ADAMTSL3: variants seen among roughly 807,000 people sequenced by gnomAD.
The protein encoded by ADAMTSL3 is ADAMTS-like protein 3.
In ADAMTSL3, 128 loss-of-function variants were observed where a neutral mutation model predicts 201.7. The observed-to-expected ratio is 0.63, with a 90% CI of 0.55 to 0.73. The LOEUF is 0.73. Ranked by LOEUF, ADAMTSL3 falls within the 30% of genes least tolerant of loss-of-function variation. The pLI is 0.00. For missense variants in ADAMTSL3, 1,990 were observed against 2,119.6 expected (o/e 0.94, Z 1.20); for synonymous variants, 738 against 748.4 (o/e 0.99, Z 0.23).
chr15:83,762,570 A>G (rs923886498), intron 3 of ADAMTSL3, among the ~76,000 whole-genome samples: 3 of 152,054 alleles, frequency 2.0e-5, no homozygotes, highest in African/African-American at 7.2e-5. Flanking sequence ...CACGAACGCT[A>G]TGTCCTCACG....
At chr15:83,850,504 A>C (rs1371748306) in intron 7 of ADAMTSL3, among the ~76,000 whole-genome samples, 1 of 147,966 alleles carries the variant, frequency 6.8e-6, no homozygotes, top group African/African-American at 2.4e-5. Flanking sequence ...TATATATAAA[A>C]ATATTTTTAA....
chr15:83,728,063 A>G (rs1467449199), intron 3 of ADAMTSL3, among the ~76,000 whole-genome samples: 3 of 152,042 alleles, frequency 2.0e-5, no homozygotes, highest in African/African-American at 4.8e-5. Flanking sequence ...GGGTGCATAC[A>G]TATTTATAAT....
intron 29 of ADAMTSL3, 87 bp downstream of exon 29, chr15:84,037,074 C>A: frequency 2.2e-6 from 3 of 1,353,420 alleles, no homozygotes; most frequent in Non-Finnish European, 3.1e-6. Flanking sequence ...CCAAACCCTG[C>A]TAGTGATTAC....
intron 25 of ADAMTSL3, among the ~76,000 whole-genome samples, chr15:84,019,665 G>A (rs572339114): frequency 3.3e-5 from 5 of 152,048 alleles, no homozygotes; most frequent in South Asian, 2.1e-4. Flanking sequence ...AGGCAGAAGC[G>A]GGTGGACCAC....
At chr15:83,733,601 C>T (rs1406312028) in intron 3 of ADAMTSL3, among the ~76,000 whole-genome samples, 1 of 152,150 alleles carries the variant, frequency 6.6e-6, no homozygotes, top group African/African-American at 2.4e-5. Flanking sequence ...ACAACTCGCT[C>T]TGTAATATGC....
chr15:83,998,274 C>T (rs1329928563), intron 23 of ADAMTSL3, among the ~76,000 whole-genome samples: 1 of 152,094 alleles, frequency 6.6e-6, no homozygotes, highest in Non-Finnish European at 1.5e-5. Context: ...CATGGTAAAA[C>T]CGTGTCTCCA....
chr15:83,891,922 A>C (rs912746337), intron 12 of ADAMTSL3, among the ~76,000 whole-genome samples: 10 of 152,244 alleles, frequency 6.6e-5, no homozygotes, highest in Non-Finnish European at 1.0e-4. Context: ...GGCAGTTAAG[A>C]ATAAAGTCTT....
chr15:84,018,728 C>G (rs2068136665), intron 25 of ADAMTSL3, among the ~76,000 whole-genome samples: 1 of 151,948 alleles, frequency 6.6e-6, no homozygotes, highest in Non-Finnish European at 1.5e-5. Flanking sequence ...TGGCTGAGGA[C>G]CAAATCATTC....
intron 23 of ADAMTSL3, among the ~76,000 whole-genome samples, chr15:84,002,325 G>C (rs2141862790): frequency 6.6e-6 from 1 of 152,270 alleles, no homozygotes; most frequent in East Asian, 1.9e-4. Flanking sequence ...AAGCATTCAA[G>C]TACAGCCTTG....
chr15:83,972,641 A>G (rs1162967447), intron 20 of ADAMTSL3, among the ~76,000 whole-genome samples: 1 of 152,158 alleles, frequency 6.6e-6, no homozygotes, highest in Non-Finnish European at 1.5e-5. Flanking sequence ...GGAGAAAGAA[A>G]AAACACAAGA....
chr15:83,759,111 T>C (rs1188530811), intron 3 of ADAMTSL3, among the ~76,000 whole-genome samples: 2 of 152,198 alleles, frequency 1.3e-5, no homozygotes, highest in Non-Finnish European at 2.9e-5. Flanking sequence ...CATCTTTCCT[T>C]TTTTTGTTTT....
intron 3 of ADAMTSL3, among the ~76,000 whole-genome samples, chr15:83,743,519 C>CAAAA (rs759218799): frequency 1.8e-5 from 1 of 57,082 alleles, no homozygotes; most frequent in African/African-American, 6.1e-5. Context: ...GACTCCGTCT[C>CAAAA]AAAAAAAAAA....
chr15:83,717,734 T>G (rs929748727), intron 3 of ADAMTSL3, among the ~76,000 whole-genome samples: 1 of 152,210 alleles, frequency 6.6e-6, no homozygotes, highest in Non-Finnish European at 1.5e-5. Flanking sequence ...ATGATTCCCA[T>G]TGGTGGTGGT....
At chr15:83,799,378 TAGTC>T (rs1283589138) in intron 4 of ADAMTSL3, among the ~76,000 whole-genome samples, 2 of 152,316 alleles carry the variant, frequency 1.3e-5, no homozygotes, top group South Asian at 2.1e-4. Flanking sequence ...TTACTTTAAA[TAGTC>T]AGTTCTTTTG....
Position 83,844,158 on chromosome 15 carries a change from A to G in ADAMTSL3, c.727+5943A>G, listed in dbSNP as rs2064445129. 2.0e-5 allele frequency among the ~76,000 whole-genome samples: 3 copies of G among 152,278 alleles called. No individual in the cohort carries two copies. In the South Asian group the frequency reaches 6.2e-4, roughly 32 times the overall value. ...TATTCTAAGCTTTTTGTCCATTTTT[A>G]CATGGTGGCAGCCAAGCCTATTGAT... On this transcript the variant is annotated intron_variant, in intron 7 of 29. Transcript: ENST00000286744.
chr15:83,860,973 C>T (rs924131832), intron 8 of ADAMTSL3, among the ~76,000 whole-genome samples: 2 of 152,262 alleles, frequency 1.3e-5, no homozygotes, highest in African/African-American at 4.8e-5. Context: ...CACCCTAATA[C>T]TGTGCTTTTC....
At chr15:83,934,409 C>G (rs1022099234) in intron 17 of ADAMTSL3, among the ~76,000 whole-genome samples, 1 of 152,216 alleles carries the variant, frequency 6.6e-6, no homozygotes. Flanking sequence ...CCTGTACCCC[C>G]ATTATATCTA....
At chr15:83,656,807 T>G (rs2061090792) in intron 2 of ADAMTSL3, among the ~76,000 whole-genome samples, 2 of 152,208 alleles carry the variant, frequency 1.3e-5, no homozygotes, top group South Asian at 4.1e-4. Flanking sequence ...CTTAAGGGCT[T>G]AAATGTCTGT....
chr15:83,873,901 G>A lies in ADAMTSL3; in HGVS notation c.960+2942G>A, dbSNP rs528301314. Reference sequence around the variant, plus strand: ...CTCATCTTTTCATGATTAAAGTAGGGTTATTATTATTTTTAGCTTAGTCTT... The same window carrying A: ...CTCATCTTTTCATGATTAAAGTAGGATTATTATTATTTTTAGCTTAGTCTT... On this transcript the variant is annotated intron_variant, in intron 9 of 29. Transcript: ENST00000286744. Among the ~76,000 whole-genome samples the A allele has an allele frequency of 2.8e-5, 4 of 145,418 alleles. 1 individual carries two copies. The highest frequency in any genetic ancestry group is 4.6e-4 in the East Asian group (2 of 4,382).
Sources: allele counts gnomAD v4.1 joint callset (sites outside exome capture counted in the v4.1 genomes callset), GRCh38; gene constraint gnomAD v4.1.1; transcripts MANE v1.5; gene names NCBI Gene and HGNC (gene_info 2026-07-23, HGNC 2026-07-21).